UPF2: variants seen among roughly 807,000 people sequenced by gnomAD.
UPF2 encodes the protein regulator of nonsense transcripts 2.
A neutral mutation model predicts 141.4 loss-of-function variants in UPF2; 17 were observed. That is an observed-to-expected ratio of 0.12 (90% CI 0.08 to 0.18). UPF2 has a LOEUF of 0.18. UPF2 is among the 10% of genes least tolerant of loss of function. The pLI is 1.00. For synonymous variants in UPF2, 540 were observed against 498.0 expected, an observed-to-expected ratio of 1.08 and a Z score of -1.12; for missense variants, 1,152 against 1,515.9, an observed-to-expected ratio of 0.76 and a Z score of 3.99.
intron 8 of UPF2, among the ~76,000 whole-genome samples, chr10:11,991,095 T>C (rs886993722): frequency 2.0e-5 from 3 of 151,982 alleles, no homozygotes; most frequent in African/African-American, 7.2e-5. Context: ...AAAGGTACTG[T>C]CAATTTTTTT....
chr10:11,938,853 G>GTTTTGTTTTTTTTTTTTTTTTTTTTTTT (rs1832889729), intron 18 of UPF2, among the ~76,000 whole-genome samples: 1 of 79,816 alleles, frequency 1.3e-5, no homozygotes, highest in East Asian at 3.6e-4. Context: ...TTTTTTTTTT[G>GTTTTGTTTTTTTTTTTTTTTTTTTTTTT]TTTTTTTTTT....
Position 11,997,876 on chromosome 10 carries a change from C to G in UPF2, c.1759-119G>C, listed in dbSNP as rs879400809. 3 of 1,004,056 alleles carry G rather than the reference C, an allele frequency of 3.0e-6. No individual in the cohort carries two copies. The Admixed American group carries it at 7.0e-5, about 23-fold the overall frequency. The allele number at this position is 1,004,056 out of a possible 1,614,324, so 62.2% of individuals were successfully genotyped here. ...AACATTTCAAAATGGTTTTAAGAAA[C>G]TAGTATTGTTAGTATCAGGAAAGTT... On this transcript the variant is annotated intron_variant, in intron 7 of 21. Transcript: ENST00000357604.
intron 8 of UPF2, among the ~76,000 whole-genome samples, chr10:11,986,217 CT>C (rs900369560): frequency 3.3e-5 from 5 of 152,100 alleles, no homozygotes; most frequent in African/African-American, 1.2e-4. Flanking sequence ...ATTCTATAAT[CT>C]CATAAGATGG....
At chr10:11,946,757 A>G (rs1214411416) in intron 16 of UPF2, among the ~76,000 whole-genome samples, 2 of 151,974 alleles carry the variant, frequency 1.3e-5, no homozygotes, top group African/African-American at 4.8e-5. Flanking sequence ...TTTTTTTTCA[A>G]TTTAAAGAAA....
In UPF2 at chr10:11,938,858, T is replaced by TTTG. The variant is rs1564337792; in HGVS notation, c.3379-2147_3379-2146insCAA. Among the ~76,000 whole-genome samples, 29 of 69,398 alleles carry TTTG rather than the reference T, an allele frequency of 4.2e-4. No individual in the cohort carries two copies. In the East Asian group the frequency reaches 0.015, roughly 36 times the overall value. 45.5% of individuals were successfully genotyped at this position (69,398 alleles called of 152,430 possible). A position where few individuals can be genotyped will look rare whatever the true frequency, so the allele number is the denominator to read the frequency against. On this transcript the variant is annotated intron_variant, in intron 18 of 21. Transcript: ENST00000357604. ...CTTAAGCAAGTTTTTTTTTTGTTTT[T>TTTG]TTTTTTTTTTTTTTTTTTTTTTTTG... is the stretch of plus-strand genomic sequence containing the variant.
chr10:11,942,653 G>T lies in UPF2; in HGVS notation c.3378+12C>A. ...ATTGAGAAGAGTCTTTGAAACAAAT[G>T]ACATTTAATACCTGTAGATTTTCTA... On this transcript the variant is annotated intron_variant, in intron 18 of 21. Coordinates refer to ENST00000357604, the MANE Select transcript of UPF2 (RefSeq NM_015542.4). 6.2e-7 allele frequency: 1 copy of T among 1,610,054 alleles called. No homozygotes were observed. Among genetic ancestry groups the T allele is most frequent in the South Asian group, 1.1e-5 (1 of 90,846 alleles).
At chr10:12,015,420 G>A (rs377146109) in intron 3 of UPF2, among the ~76,000 whole-genome samples, 2 of 152,062 alleles carry the variant, frequency 1.3e-5, no homozygotes, top group Non-Finnish European at 2.9e-5. Flanking sequence ...ATAACAATTC[G>A]GCCAGGCATG....
At chr10:12,021,547 T>G (rs1344403415) in intron 3 of UPF2, among the ~76,000 whole-genome samples, 1 of 151,936 alleles carries the variant, frequency 6.6e-6, no homozygotes, top group African/African-American at 2.4e-5. Context: ...ATGTGGGATT[T>G]ATTATGTTAA....
At chr10:11,975,535 T>A (rs935031925) in intron 9 of UPF2, among the ~76,000 whole-genome samples, 1 of 152,168 alleles carries the variant, frequency 6.6e-6, no homozygotes, top group African/African-American at 2.4e-5. Context: ...TGAGATGGAG[T>A]TTCACTCTTG....
At chr10:11,973,975 C>T (rs1833462554) in intron 9 of UPF2, among the ~76,000 whole-genome samples, 1 of 152,182 alleles carries the variant, frequency 6.6e-6, no homozygotes, top group East Asian at 1.9e-4. Flanking sequence ...TTACCTTGGG[C>T]AGTATGGCCA....
At position 11,980,802 on chromosome 10, in the gene UPF2, G is replaced by GAA. The variant is rs755081379; in HGVS notation, c.1845-1639_1845-1638dup. Reference sequence around the variant, plus strand: ...TATATGAAAATGTTTGATGGTCAGGGAAAAAAACACATAATTCGATCTGGA... The same window carrying GAA: ...TATATGAAAATGTTTGATGGTCAGGGAAAAAAAAACACATAATTCGATCTGGA... On this transcript the variant is annotated intron_variant, in intron 8 of 21. Transcript: ENST00000357604. The surrounding 1 kb of genome is among the most constrained non-coding windows in gnomAD (Gnocchi z 4.2). Among the ~76,000 whole-genome samples, 1 of 152,144 alleles carries GAA rather than the reference G, an allele frequency of 6.6e-6. No individual in the cohort carries two copies. Among genetic ancestry groups the GAA allele is most frequent in the Non-Finnish European group, 1.5e-5 (1 of 67,998 alleles).
chr10:12,005,619 A>C (rs1478592619), intron 4 of UPF2, among the ~76,000 whole-genome samples: 1 of 152,172 alleles, frequency 6.6e-6, no homozygotes, highest in East Asian at 1.9e-4. Flanking sequence ...CCCAGGCTGG[A>C]GTACAATGGC....
intron 21 of UPF2, among the ~76,000 whole-genome samples, chr10:11,923,944 TAG>T (rs999212278): frequency 4.6e-5 from 7 of 152,328 alleles, no homozygotes; most frequent in Non-Finnish European, 8.8e-5. Flanking sequence ...AGTAAGAGTC[TAG>T]AGAGTTAATA....
intron 3 of UPF2, among the ~76,000 whole-genome samples, chr10:12,015,641 G>T (rs968551319): frequency 6.6e-6 from 1 of 152,180 alleles, no homozygotes; most frequent in Non-Finnish European, 1.5e-5. Context: ...GGCGGAGGTT[G>T]CAGTGAGCCG....
chr10:12,002,143 T>G (rs1249982070), intron 5 of UPF2, among the ~76,000 whole-genome samples: 1 of 151,882 alleles, frequency 6.6e-6, no homozygotes, highest in Non-Finnish European at 1.5e-5. Flanking sequence ...TGGTGGCACA[T>G]GTCTGTAATC....
In UPF2 at chr10:11,920,309, A is replaced by AC. The variant is rs1263399311; in HGVS notation, c.*988dup. The AC allele has an allele frequency of 6.6e-6, 1 of 151,752 alleles. No individual in the cohort carries two copies. Among genetic ancestry groups the AC allele is most frequent in the Non-Finnish European group, 1.5e-5 (1 of 67,988 alleles). The allele number at this position is 151,752 out of a possible 1,614,324, so 9.4% of individuals were successfully genotyped here. On this transcript the variant is annotated 3_prime_UTR_variant, in exon 22 of 22. Coordinates refer to ENST00000357604, the MANE Select transcript of UPF2 (RefSeq NM_015542.4). ...GAAATTAACAGATTGTCAGAAACAG[A>AC]CTAAGGACCCTCATTTCTATTTAGT... is the stretch of plus-strand genomic sequence containing the variant.
chr10:11,956,386 G>A lies in UPF2; in HGVS notation c.2508C>T (p.Leu836=), dbSNP rs746549788. Residue 836 remains leucine (L), a synonymous_variant, in exon 13 of 22, where the codon CTC becomes CTT. Transcript: ENST00000357604. This position sits in a 1 kb window ranked among gnomAD's most constrained non-coding sequence, Gnocchi z 4.2. ...CGTGGATCCCAACATCCTCTTGGTA[G>A]AGCACTAGTCCTGCTAAGAGGTTGG... ...CVANLLAGLV[L]YQEDVGIHVV... is the part of the protein sequence containing the mutation. The A allele has an allele frequency of 8.7e-6, 14 of 1,613,988 alleles. No homozygotes were observed. Among genetic ancestry groups the A allele is most frequent in the African/African-American group, 1.3e-5 (1 of 74,904 alleles).
intron 9 of UPF2, among the ~76,000 whole-genome samples, chr10:11,974,070 G>T (rs970802772): frequency 7.9e-5 from 12 of 152,154 alleles, no homozygotes; most frequent in African/African-American, 2.9e-4. Context: ...GCAGTGGTTT[G>T]TACTTCTCCT....
In UPF2 at chr10:11,920,992, G is replaced by C. The variant is rs760120981; in HGVS notation, c.*306C>G. 13 of 628,542 alleles carry C rather than the reference G, an allele frequency of 2.1e-5. No individual in the cohort carries two copies. The African/African-American group carries it at 2.2e-4, about 11-fold the overall frequency. 38.9% of individuals were successfully genotyped at this position (628,542 alleles called of 1,614,324 possible). A position where few individuals can be genotyped will look rare whatever the true frequency, so the allele number is the denominator to read the frequency against. Reference sequence around the variant, plus strand: ...CAATCATCTCCTTCACGCTCTCCTTGGTGTAACTGCTCAGTAGTCAAGTGA... The same window carrying C: ...CAATCATCTCCTTCACGCTCTCCTTCGTGTAACTGCTCAGTAGTCAAGTGA... On this transcript the variant is annotated 3_prime_UTR_variant, in exon 22 of 22. Transcript: ENST00000357604.
Sources: allele counts gnomAD v4.1 joint callset (sites outside exome capture counted in the v4.1 genomes callset), GRCh38; gene constraint gnomAD v4.1.1; non-coding constraint Gnocchi (gnomAD v3.1); transcripts MANE v1.5; gene names NCBI Gene and HGNC (gene_info 2026-07-23, HGNC 2026-07-21).